The following EDN1 variants were observed in gnomAD, a reference collection of about 807,000 sequenced individuals.
The protein encoded by EDN1 is endothelin-1.
A neutral mutation model predicts 21.7 loss-of-function variants in EDN1; 11 were observed. The ratio of observed to expected loss-of-function variants is 0.51; its 90% CI spans 0.32 to 0.84. The LOEUF is 0.84. Ranked by LOEUF, EDN1 falls within the 40% of genes least tolerant of loss-of-function variation. EDN1 has a pLI of 0.03. For missense variants in EDN1, 244 were observed against 262.3 expected (o/e 0.93, Z 0.48); for synonymous variants, 85 against 90.6 (o/e 0.94, Z 0.35).
At chr6:12,272,632 T>TA in the EDN1 span, among the ~76,000 whole-genome samples, 9 of 150,940 alleles carry the variant, frequency 6.0e-5, no homozygotes, top group African/African-American at 2.2e-4. Context: ...TAATTTTTTT[T>TA]TTTTTTGTAT....
chr6:12,294,110 C>G lies in EDN1; in HGVS notation c.389+14C>G, dbSNP rs370038651. On this transcript the variant is annotated intron_variant, in intron 3 of 4. Coordinates refer to ENST00000379375, the MANE Select transcript of EDN1 (RefSeq NM_001955.5). ...AAAAGAACTCAGGTGAGCAGAAACA[C>G]CTTTGCTTTTCAATCAGTTTAACAG... 3.8e-5 allele frequency: 62 copies of G among 1,613,986 alleles called. No individual in the cohort carries two copies. The highest frequency in any genetic ancestry group is 7.7e-5 in the South Asian group (7 of 91,090).
chr6:12,272,035 G>A, the EDN1 span, among the ~76,000 whole-genome samples: 1 of 152,178 alleles, frequency 6.6e-6, no homozygotes, highest in African/African-American at 2.4e-5. Flanking sequence ...GCTAGAAAGA[G>A]AGAAGAAGGT....
At chr6:12,280,571 T>A in the EDN1 span, among the ~76,000 whole-genome samples, 1 of 152,194 alleles carries the variant, frequency 6.6e-6, no homozygotes, top group Non-Finnish European at 1.5e-5. Flanking sequence ...TTGCCTTATA[T>A]CTACAACTCA....
the EDN1 span, among the ~76,000 whole-genome samples, chr6:12,278,351 G>GAT: frequency 6.6e-6 from 1 of 152,114 alleles, no homozygotes; most frequent in Non-Finnish European, 1.5e-5. Flanking sequence ...CAAGCCACTA[G>GAT]ATAGCCAGTA....
the EDN1 span, among the ~76,000 whole-genome samples, chr6:12,233,768 C>T: frequency 2.2e-4 from 34 of 152,144 alleles, no homozygotes; most frequent in Non-Finnish European, 3.1e-4. Context: ...CATTGCACTA[C>T]GAGAGGAAGT....
At chr6:12,282,094 G>T in the EDN1 span, among the ~76,000 whole-genome samples, 2 of 152,150 alleles carry the variant, frequency 1.3e-5, no homozygotes, top group Admixed American at 6.5e-5. Context: ...GTGGGCATTT[G>T]CTTGAGTTTC....
chr6:12,253,597 CAT>C, the EDN1 span, among the ~76,000 whole-genome samples: 9 of 152,270 alleles, frequency 5.9e-5, no homozygotes, highest in South Asian at 6.2e-4. Context: ...TTTACACACA[CAT>C]GTGCACACAC....
the EDN1 span, among the ~76,000 whole-genome samples, chr6:12,284,674 G>A: frequency 5.4e-5 from 8 of 147,790 alleles, no homozygotes; most frequent in African/African-American, 2.0e-4. Flanking sequence ...AAGAGAGAAA[G>A]AAAGAAAGAA....
At chr6:12,279,640 G>A in the EDN1 span, among the ~76,000 whole-genome samples, 7 of 152,172 alleles carry the variant, frequency 4.6e-5, no homozygotes, top group East Asian at 1.3e-3. Context: ...CTCTTGTCCC[G>A]CAAGGACCTG....
rs61701314 is a variant in EDN1, at chr6:12,294,920, C to CTTTTTTTTTTTT, written c.533+525_533+536dup. Among the ~76,000 whole-genome samples the CTTTTTTTTTTTT allele has an allele frequency of 3.6e-3, 382 of 107,596 alleles. 26 individuals are homozygous for CTTTTTTTTTTTT. The highest frequency in any genetic ancestry group is 0.012 in the African/African-American group (341 of 28,182). 70.6% of individuals were successfully genotyped at this position (107,596 alleles called of 152,430 possible). A position where few individuals can be genotyped will look rare whatever the true frequency, so the allele number is the denominator to read the frequency against. ...ACATGCTGTTTTTCAGGTTTATGGT[C>CTTTTTTTTTTTT]TTTTTTTTTTTTTTTTTTTTAAATA... is the stretch of plus-strand genomic sequence containing the variant. On this transcript the variant is annotated intron_variant, in intron 4 of 4. Coordinates refer to ENST00000379375, the MANE Select transcript of EDN1 (RefSeq NM_001955.5).
the EDN1 span, among the ~76,000 whole-genome samples, chr6:12,233,691 A>G: frequency 2.2e-4 from 34 of 152,328 alleles, no homozygotes; most frequent in Non-Finnish European, 4.0e-4. Flanking sequence ...TGTTGAAAAT[A>G]AAAAGGGGTG....
chr6:12,249,969 C>G, the EDN1 span, among the ~76,000 whole-genome samples: 1 of 151,940 alleles, frequency 6.6e-6, no homozygotes. Flanking sequence ...GTTAAAACTT[C>G]TATTTGAAAC....
the EDN1 span, among the ~76,000 whole-genome samples, chr6:12,249,548 T>C: frequency 6.6e-6 from 1 of 150,954 alleles, no homozygotes; most frequent in East Asian, 1.9e-4. Flanking sequence ...AGACAAAGTT[T>C]ATGGTGTCAG....
At chr6:12,284,463 G>C in the EDN1 span, among the ~76,000 whole-genome samples, 1 of 151,576 alleles carries the variant, frequency 6.6e-6, no homozygotes, top group South Asian at 2.1e-4. Flanking sequence ...AGTGAGCCGT[G>C]ATTGCACTCC....
At chr6:12,286,316 TG>T (rs1308376482), upstream of EDN1, among the ~76,000 whole-genome samples, 2 of 152,348 alleles carry the variant, frequency 1.3e-5, no homozygotes, top group Non-Finnish European at 2.9e-5. Flanking sequence ...ATATTTCCTG[TG>T]CTAAATCAAC....
chr6:12,249,629 G>A, the EDN1 span, among the ~76,000 whole-genome samples: 1 of 151,532 alleles, frequency 6.6e-6, no homozygotes, highest in Non-Finnish European at 1.5e-5. Context: ...CTCACCTGGG[G>A]CAAACAAGTG....
chr6:12,268,556 A>G, the EDN1 span, among the ~76,000 whole-genome samples: 1 of 152,166 alleles, frequency 6.6e-6, no homozygotes, highest in South Asian at 2.1e-4. Context: ...TCCTGGCACC[A>G]TTTGTTGAAG....
At chr6:12,233,556 A>C in the EDN1 span, among the ~76,000 whole-genome samples, 1 of 152,146 alleles carries the variant, frequency 6.6e-6, no homozygotes, top group East Asian at 1.9e-4. Flanking sequence ...CTACCTACCT[A>C]AGGCACTATG....
the EDN1 span, among the ~76,000 whole-genome samples, chr6:12,275,026 C>T: frequency 8.1e-6 from 1 of 124,044 alleles, no homozygotes; most frequent in African/African-American, 3.0e-5. Context: ...TCCTTCTTTT[C>T]CCCCAAAGAC....
Sources: allele counts gnomAD v4.1 joint callset (sites outside exome capture counted in the v4.1 genomes callset), GRCh38; gene constraint gnomAD v4.1.1; transcripts MANE v1.5; gene names NCBI Gene and HGNC (gene_info 2026-07-23, HGNC 2026-07-21).